STXBP5L: variants seen among roughly 807,000 people sequenced by gnomAD.
STXBP5L encodes syntaxin binding protein 5L.
STXBP5L carries 65 observed loss-of-function variants against 144.5 expected under a neutral mutation model. The observed-to-expected ratio is 0.45, with a 90% CI of 0.37 to 0.55. The LOEUF (loss-of-function observed/expected upper bound fraction) is 0.55, where lower values mean the gene tolerates loss of function less well. Among genes scored for constraint, STXBP5L ranks in the 20% least tolerant of loss-of-function variants. The pLI is 0.00. For synonymous variants in STXBP5L, 505 were observed against 469.6 expected, an observed-to-expected ratio of 1.08 and a Z score of -0.97; for missense variants, 1,298 against 1,405.5, an observed-to-expected ratio of 0.92 and a Z score of 1.22.
At chr3:121,364,683 T>A (rs1378734103) in intron 20 of STXBP5L, among the ~76,000 whole-genome samples, 1 of 151,984 alleles carries the variant, frequency 6.6e-6, no homozygotes, top group Non-Finnish European at 1.5e-5. Flanking sequence ...TTAAATTAAT[T>A]CTTAAGTATT....
intron 2 of STXBP5L, among the ~76,000 whole-genome samples, chr3:120,919,866 T>C (rs1326452856): frequency 1.3e-5 from 2 of 151,924 alleles, no homozygotes; most frequent in Non-Finnish European, 2.9e-5. Context: ...ATAACTTTTA[T>C]GAAACTCCCT....
At chr3:121,050,185 G>A (rs1001718050) in intron 5 of STXBP5L, among the ~76,000 whole-genome samples, 2 of 152,104 alleles carry the variant, frequency 1.3e-5, no homozygotes, top group Non-Finnish European at 2.9e-5. Flanking sequence ...TTCTCTCCAT[G>A]AGAGTGGTGC....
chr3:121,130,622 C>T (rs2044939223), intron 7 of STXBP5L, among the ~76,000 whole-genome samples: 1 of 152,112 alleles, frequency 6.6e-6, no homozygotes, highest in African/African-American at 2.4e-5. Flanking sequence ...CAGACTGTTG[C>T]TCAATTACAT....
intron 3 of STXBP5L, among the ~76,000 whole-genome samples, chr3:121,030,735 T>C (rs1946308322): frequency 6.6e-6 from 1 of 152,070 alleles, no homozygotes; most frequent in East Asian, 1.9e-4. Flanking sequence ...GATCAGAAAT[T>C]CTCAGTGTAG....
At chr3:121,127,047 G>C (rs1161337477) in intron 7 of STXBP5L, among the ~76,000 whole-genome samples, 2 of 148,572 alleles carry the variant, frequency 1.3e-5, no homozygotes, top group South Asian at 4.1e-4. Flanking sequence ...AAAGATTAGA[G>C]TGTGGGTGTC....
At chr3:120,936,288 T>A (rs143447295) in intron 2 of STXBP5L, among the ~76,000 whole-genome samples, 95 of 152,316 alleles carry the variant, frequency 6.2e-4, no homozygotes, top group African/African-American at 1.8e-3. Flanking sequence ...CCATAGCTTA[T>A]TAATCATAGA....
chr3:120,974,675 G>C (rs1940723139), intron 3 of STXBP5L, among the ~76,000 whole-genome samples: 1 of 152,092 alleles, frequency 6.6e-6, no homozygotes, highest in Non-Finnish European at 1.5e-5. Flanking sequence ...TATGGTTTTA[G>C]GTCTGACGTT....
At chr3:121,250,120 A>G (rs2049983098) in intron 14 of STXBP5L, among the ~76,000 whole-genome samples, 1 of 152,024 alleles carries the variant, frequency 6.6e-6, no homozygotes, top group South Asian at 2.1e-4. Context: ...TTTTATGCCT[A>G]TTCTCATGAG....
At chr3:120,977,773 G>A (rs1473795631) in intron 3 of STXBP5L, among the ~76,000 whole-genome samples, 2 of 152,144 alleles carry the variant, frequency 1.3e-5, no homozygotes, top group Non-Finnish European at 2.9e-5. Context: ...TTGCTTGTCT[G>A]TGAAGTATTT....
At chr3:121,173,420 T>A (rs1401966602) in intron 9 of STXBP5L, among the ~76,000 whole-genome samples, 2 of 151,624 alleles carry the variant, frequency 1.3e-5, no homozygotes, top group African/African-American at 4.8e-5. Flanking sequence ...ATTAACAACT[T>A]TTATTAAACT....
intron 7 of STXBP5L, among the ~76,000 whole-genome samples, chr3:121,127,445 CT>C (rs1207679134): frequency 6.6e-6 from 1 of 151,952 alleles, no homozygotes; most frequent in Non-Finnish European, 1.5e-5. Context: ...AGACTTCTTC[CT>C]TGCCTTTTCC....
At chr3:121,019,258 C>A (rs1025912037) in intron 3 of STXBP5L, among the ~76,000 whole-genome samples, 1 of 152,148 alleles carries the variant, frequency 6.6e-6, no homozygotes, top group Non-Finnish European at 1.5e-5. Context: ...CATGCCTAGC[C>A]CTGCCCCTCA....
intron 6 of STXBP5L, 102 bp downstream of exon 6, chr3:121,115,161 T>A (rs1333654937): frequency 8.7e-7 from 1 of 1,156,042 alleles, no homozygotes; most frequent in Non-Finnish European, 1.2e-6. Context: ...ATTACTAATT[T>A]ATAATGAATT....
chr3:121,353,024 G>T (rs2045358278), intron 20 of STXBP5L, among the ~76,000 whole-genome samples: 1 of 152,192 alleles, frequency 6.6e-6, no homozygotes, highest in African/African-American at 2.4e-5. Context: ...GCATCCCAGG[G>T]AGGAAGCCAG....
intron 18 of STXBP5L, among the ~76,000 whole-genome samples, chr3:121,269,221 T>C: frequency 6.6e-6 from 1 of 151,806 alleles, no homozygotes; most frequent in East Asian, 1.9e-4. Context: ...GGCCGAAGTC[T>C]AACTAGGAAA....
At chr3:121,239,256 A>C in intron 13 of STXBP5L, 138 bp downstream of exon 13, 1 of 479,294 alleles carries the variant, frequency 2.1e-6, no homozygotes, top group Non-Finnish European at 3.6e-6. Flanking sequence ...ACATCTATTA[A>C]ATACATAACT....
At chr3:121,125,795 T>A (rs17248817) in intron 7 of STXBP5L, among the ~76,000 whole-genome samples, 2,499 of 152,260 alleles carry the variant, frequency 0.016, 37 homozygotes, top group Middle Eastern at 0.061. Flanking sequence ...AGGCATTCAA[T>A]CTGGCTTCCA....
At chr3:121,323,717 T>C (rs2044052349) in intron 20 of STXBP5L, among the ~76,000 whole-genome samples, 2 of 151,536 alleles carry the variant, frequency 1.3e-5, no homozygotes, top group South Asian at 4.2e-4. Flanking sequence ...ACTTTAATTA[T>C]ATAAATTGTT....
chr3:120,960,761 G>C (rs897491157), intron 3 of STXBP5L, among the ~76,000 whole-genome samples: 2 of 152,040 alleles, frequency 1.3e-5, no homozygotes, highest in Non-Finnish European at 2.9e-5. Flanking sequence ...GGCCTGTTGT[G>C]GGGTGGGGGC....
Sources: allele counts gnomAD v4.1 joint callset (sites outside exome capture counted in the v4.1 genomes callset), GRCh38; gene constraint gnomAD v4.1.1; transcripts MANE v1.5; gene names NCBI Gene and HGNC (gene_info 2026-07-23, HGNC 2026-07-21).